The following PTPRG variants were observed in gnomAD, a reference collection of about 807,000 sequenced individuals.
The protein encoded by PTPRG is protein tyrosine phosphatase receptor type G.
Under a neutral mutation model 165.3 loss-of-function variants are expected in PTPRG, and 102 were observed. The observed-to-expected ratio is 0.62, with a 90% confidence interval of 0.53 to 0.73. PTPRG has a LOEUF of 0.73. Among genes scored for constraint, PTPRG ranks in the 30% least tolerant of loss-of-function variants. The pLI, the probability that PTPRG is intolerant of heterozygous loss-of-function variation, is 0.00. For missense variants in PTPRG, 1,866 were observed against 1,861.4 expected, an observed-to-expected ratio of 1.00 and a Z score of -0.05; for synonymous variants, 675 against 669.5, an observed-to-expected ratio of 1.01 and a Z score of -0.13.
intron 1 of PTPRG, among the ~76,000 whole-genome samples, chr3:61,686,085 C>T (rs527691861): frequency 9.9e-5 from 15 of 152,242 alleles, no homozygotes; most frequent in African/African-American, 3.1e-4. Context: ...CGTGGTCTTG[C>T]GTGGGGAGGG....
At chr3:62,052,530 C>CA (rs1700499464) in intron 4 of PTPRG, among the ~76,000 whole-genome samples, 1 of 152,188 alleles carries the variant, frequency 6.6e-6, no homozygotes, top group East Asian at 1.9e-4. Flanking sequence ...TGCATCTCTA[C>CA]AAAAAAATTT....
chr3:61,971,292 G>C (rs1246741722), intron 2 of PTPRG, among the ~76,000 whole-genome samples: 1 of 152,064 alleles, frequency 6.6e-6, no homozygotes, highest in Non-Finnish European at 1.5e-5. Flanking sequence ...GAAGCGAATA[G>C]AAGTAGGCTT....
Position 62,148,749 on chromosome 3 carries a change from G to A in PTPRG, c.683-8318G>A, listed in dbSNP as rs528606320. 3.7e-4 allele frequency among the ~76,000 whole-genome samples: 56 copies of A among 152,224 alleles called. No individual in the cohort carries two copies. In the South Asian group the frequency reaches 6.0e-3, roughly 16 times the overall value. ...TGCACTGCAGCCTGGGGGACAGAGC[G>A]AGACTCCGTCTCCACAAAATAAATA... On this transcript the variant is annotated intron_variant, in intron 6 of 29. Transcript: ENST00000474889.
At chr3:61,905,782 G>C (rs1334389863) in intron 2 of PTPRG, among the ~76,000 whole-genome samples, 1 of 152,172 alleles carries the variant, frequency 6.6e-6, no homozygotes, top group Non-Finnish European at 1.5e-5. Context: ...ACTTTCAACT[G>C]AGTCAAAAAT....
intron 5 of PTPRG, among the ~76,000 whole-genome samples, chr3:62,114,016 C>T (rs926190998): frequency 6.6e-6 from 1 of 152,060 alleles, no homozygotes; most frequent in Non-Finnish European, 1.5e-5. Flanking sequence ...AGTGGCTTTC[C>T]GACCGGGTGT....
chr3:62,032,069 G>C (rs1680536726), intron 4 of PTPRG, among the ~76,000 whole-genome samples: 1 of 152,170 alleles, frequency 6.6e-6, no homozygotes, highest in African/African-American at 2.4e-5. Context: ...AGAATTCCTG[G>C]GACAGATGGA....
intron 4 of PTPRG, among the ~76,000 whole-genome samples, chr3:62,008,461 G>C (rs1442578234): frequency 1.3e-5 from 2 of 152,196 alleles, no homozygotes; most frequent in Non-Finnish European, 2.9e-5. Context: ...TTTCAGCTCT[G>C]TTCAGAGCAT....
chr3:62,003,564 C>T, intron 4 of PTPRG, 67 bp downstream of exon 4: 2 of 1,574,146 alleles, frequency 1.3e-6, no homozygotes, highest in Admixed American at 1.8e-5. Context: ...GATGCTGTGC[C>T]CTTACCCTCA....
At chr3:62,054,491 A>T (rs962331845) in intron 4 of PTPRG, among the ~76,000 whole-genome samples, 9 of 152,266 alleles carry the variant, frequency 5.9e-5, no homozygotes, top group African/African-American at 2.2e-4. Context: ...CAGGGATAGA[A>T]ACGTGGGCCA....
intron 2 of PTPRG, among the ~76,000 whole-genome samples, chr3:61,963,171 G>A (rs930721339): frequency 6.6e-6 from 1 of 152,118 alleles, no homozygotes; most frequent in Non-Finnish European, 1.5e-5. Context: ...CACTTTTAAA[G>A]TAGGAGTTCT....
At chr3:61,722,400 T>C (rs1250523109) in intron 1 of PTPRG, among the ~76,000 whole-genome samples, 1 of 152,134 alleles carries the variant, frequency 6.6e-6, no homozygotes, top group East Asian at 1.9e-4. Context: ...AGCTGAACTT[T>C]GGGGGATACA....
chr3:61,604,588 A>G (rs1357270694), intron 1 of PTPRG, among the ~76,000 whole-genome samples: 1 of 152,296 alleles, frequency 6.6e-6, no homozygotes, highest in South Asian at 2.1e-4. Flanking sequence ...TAATGTAAGT[A>G]CCATTTTTTC....
At chr3:61,596,820 G>C (rs1700713922) in intron 1 of PTPRG, among the ~76,000 whole-genome samples, 1 of 152,072 alleles carries the variant, frequency 6.6e-6, no homozygotes, top group Non-Finnish European at 1.5e-5. Flanking sequence ...TTATTCCCTA[G>C]TGAGACAGAA....
chr3:61,787,285 A>G (rs904414940), intron 2 of PTPRG, among the ~76,000 whole-genome samples: 1 of 152,166 alleles, frequency 6.6e-6, no homozygotes, highest in African/African-American at 2.4e-5. Flanking sequence ...ATGATTAAGG[A>G]TAATTACTCT....
chr3:61,858,459 A>G (rs1357192389), intron 2 of PTPRG, among the ~76,000 whole-genome samples: 5 of 152,210 alleles, frequency 3.3e-5, no homozygotes, highest in Admixed American at 3.3e-4. Flanking sequence ...TTTGCAAAAC[A>G]AACCTGCAAT....
chr3:61,715,778 A>G (rs180765552), intron 1 of PTPRG, among the ~76,000 whole-genome samples: 1 of 152,284 alleles, frequency 6.6e-6, no homozygotes, highest in Admixed American at 6.5e-5. Context: ...AAAGACAACG[A>G]TGATGACACA....
rs1297818113 is a variant in PTPRG, at chr3:62,004,067, A to C, written c.519+570A>C. 9.8e-5 allele frequency among the ~76,000 whole-genome samples: 15 copies of C among 152,286 alleles called. No homozygotes were observed. The East Asian group carries it at 2.7e-3, about 28-fold the overall frequency. On this transcript the variant is annotated intron_variant, in intron 4 of 29. Transcript: ENST00000474889. ...CTGGACAGAAGAAGGGTGTGGGTGC[A>C]CTAGGTCAGATGCTGCTGTGTATCT...
intron 4 of PTPRG, among the ~76,000 whole-genome samples, chr3:62,026,224 C>T (rs1435754826): frequency 6.6e-6 from 1 of 152,150 alleles, no homozygotes; most frequent in East Asian, 1.9e-4. Context: ...AAATGTTGAC[C>T]TTTGATTAGC....
At chr3:62,101,508 C>T (rs972994009) in intron 5 of PTPRG, among the ~76,000 whole-genome samples, 2 of 152,076 alleles carry the variant, frequency 1.3e-5, no homozygotes, top group African/African-American at 4.8e-5. Context: ...AGCTTTAAGC[C>T]CTTTATAAAC....
Sources: allele counts gnomAD v4.1 joint callset (sites outside exome capture counted in the v4.1 genomes callset), GRCh38; gene constraint gnomAD v4.1.1; transcripts MANE v1.5; gene names NCBI Gene and HGNC (gene_info 2026-07-23, HGNC 2026-07-21).